CACNA1E: variants seen among roughly 807,000 people sequenced by gnomAD.
The protein encoded by CACNA1E is voltage-dependent R-type calcium channel subunit alpha-1E.
CACNA1E carries 40 observed loss-of-function variants against 259.2 expected under a neutral mutation model. That is an observed-to-expected ratio of 0.15 (90% confidence interval 0.12 to 0.20). The LOEUF is 0.20. CACNA1E is among the 10% of genes least tolerant of loss of function. The pLI is 1.00. For synonymous variants in CACNA1E, 1,104 were observed against 1,138.5 expected (o/e 0.97, Z 0.61); for missense variants, 1,874 against 3,040.1 (o/e 0.62, Z 9.02).
intron 1 of CACNA1E, among the ~76,000 whole-genome samples, chr1:181,360,762 T>G (rs1408200592): frequency 6.6e-6 from 1 of 152,158 alleles, no homozygotes; most frequent in East Asian, 1.9e-4. Context: ...CAATTTTGAG[T>G]ACTGAAAAAA....
chr1:181,492,685 C>A (rs1664417233), intron 1 of CACNA1E, among the ~76,000 whole-genome samples: 1 of 152,180 alleles, frequency 6.6e-6, no homozygotes, highest in Non-Finnish European at 1.5e-5. Context: ...GAAAATGAAC[C>A]ACCAAGATTT....
chr1:181,731,307 A>G (rs1297962583), intron 19 of CACNA1E, 76 bp downstream of exon 19: 3 of 1,173,482 alleles, frequency 2.6e-6, no homozygotes, highest in Admixed American at 1.8e-5. Flanking sequence ...TCCTTGCCAT[A>G]GACAAAGTGG....
At chr1:181,574,734 A>G (rs1050842263) in intron 3 of CACNA1E, among the ~76,000 whole-genome samples, 1 of 152,140 alleles carries the variant, frequency 6.6e-6, no homozygotes, top group Non-Finnish European at 1.5e-5. Flanking sequence ...TCCTCTAAGA[A>G]TTCCATTGTT....
At chr1:181,624,352 G>T (rs900254258) in intron 6 of CACNA1E, among the ~76,000 whole-genome samples, 2 of 152,130 alleles carry the variant, frequency 1.3e-5, no homozygotes, top group Admixed American at 1.3e-4. Context: ...TGACTCTTTC[G>T]TGAAAGATTT....
intron 6 of CACNA1E, among the ~76,000 whole-genome samples, chr1:181,640,470 C>T (rs745702998): frequency 9.2e-5 from 14 of 152,304 alleles, no homozygotes; most frequent in Middle Eastern, 6.8e-3. Context: ...ACAGAATAAA[C>T]GAAACTAACT....
In CACNA1E at chr1:181,807,284, G is replaced by A. The variant is rs1662698503; in HGVS notation, c.*8450G>A. ...CGAGGAGTTTAACAAGGTAGGCAGA[G>A]AACTTCCTTATGGAACAACAGGGCT... On this transcript the variant is annotated 3_prime_UTR_variant, in exon 48 of 48. Coordinates refer to ENST00000367573, the MANE Select transcript of CACNA1E (RefSeq NM_001205293.3). 6.6e-6 allele frequency: 1 copy of A among 152,000 alleles called. No individual in the cohort carries two copies. Among genetic ancestry groups the A allele is most frequent in the Non-Finnish European group, 1.5e-5 (1 of 68,032 alleles). 9.4% of individuals were successfully genotyped at this position (152,000 alleles called of 1,614,324 possible).
At chr1:181,424,483 A>T (rs907612327) in intron 2 of CACNA1E, among the ~76,000 whole-genome samples, 3 of 152,204 alleles carry the variant, frequency 2.0e-5, no homozygotes, top group African/African-American at 7.2e-5. Flanking sequence ...GAGAATAAAC[A>T]AGGTGGTGCG....
At chr1:181,400,400 G>T (rs1035236929) in intron 1 of CACNA1E, among the ~76,000 whole-genome samples, 5 of 152,116 alleles carry the variant, frequency 3.3e-5, no homozygotes, top group Non-Finnish European at 1.5e-5. Flanking sequence ...TTGGGGTGGG[G>T]CATCTGGGCT....
intron 2 of CACNA1E, among the ~76,000 whole-genome samples, chr1:181,433,855 C>T (rs1659890240): frequency 6.6e-6 from 1 of 152,192 alleles, no homozygotes; most frequent in African/African-American, 2.4e-5. Context: ...ATTATGTCAC[C>T]ATTAAGCTAG....
At chr1:181,422,202 A>G (rs1658798743) in intron 2 of CACNA1E, among the ~76,000 whole-genome samples, 1 of 152,178 alleles carries the variant, frequency 6.6e-6, no homozygotes, top group African/African-American at 2.4e-5. Context: ...CATATCACCT[A>G]TGCAGTTGAC....
intron 1 of CACNA1E, among the ~76,000 whole-genome samples, chr1:181,377,042 C>A (rs1468250592): frequency 2.0e-5 from 3 of 152,180 alleles, no homozygotes; most frequent in Non-Finnish European, 4.4e-5. Flanking sequence ...GAGTCAAATT[C>A]ATGTATTTGT....
At chr1:181,509,157 C>A (rs1665964590) in intron 1 of CACNA1E, among the ~76,000 whole-genome samples, 1 of 152,150 alleles carries the variant, frequency 6.6e-6, no homozygotes, top group African/African-American at 2.4e-5. Context: ...CAGCCAGCAT[C>A]TCAGCCCTGC....
intron 7 of CACNA1E, among the ~76,000 whole-genome samples, chr1:181,692,893 A>T (rs1025616912): frequency 6.6e-6 from 1 of 152,134 alleles, no homozygotes; most frequent in African/African-American, 2.4e-5. Context: ...TTTGCAAACT[A>T]TGCATCCAAC....
intron 6 of CACNA1E, among the ~76,000 whole-genome samples, chr1:181,582,354 T>A (rs1651626292): frequency 2.0e-5 from 3 of 152,128 alleles, no homozygotes; most frequent in African/African-American, 7.2e-5. Flanking sequence ...ACTCCTCATT[T>A]GAGATGTAAA....
Position 181,798,340 on chromosome 1 carries a change from A to C in CACNA1E, c.6448A>C (p.Ser2150Arg). 1.2e-6 allele frequency: 2 copies of C among 1,608,944 alleles called. No homozygotes were observed. The highest frequency in any genetic ancestry group is 1.7e-6 in the Non-Finnish European group (2 of 1,178,656). The change falls in exon 48 of 48, where the codon AGC becomes CGC. Residue 2150 changes from serine to arginine, a missense_variant. Ser to Arg is a moderately radical substitution (Grantham distance 110). Transcript: ENST00000367573. This position sits in a 1 kb window ranked among gnomAD's most constrained non-coding sequence, Gnocchi z 4.2. ...ESSIPSVSDTSTPRRSRRQLP... is the reference protein window; with the variant it reads ...ESSIPSVSDTRTPRRSRRQLP... ...CTCCATCCCCTCTGTCTCTGACACC[A>C]GCACCCCAAGAAGAAGTCGTCGGCA...
intron 1 of CACNA1E, among the ~76,000 whole-genome samples, chr1:181,401,455 C>T (rs1256477475): frequency 2.0e-5 from 3 of 152,084 alleles, no homozygotes; most frequent in African/African-American, 7.2e-5. Flanking sequence ...TGGTGGCTGG[C>T]ACAATGTTGG....
intron 7 of CACNA1E, among the ~76,000 whole-genome samples, chr1:181,661,284 C>A (rs1647645130): frequency 6.6e-6 from 1 of 152,128 alleles, no homozygotes; most frequent in Non-Finnish European, 1.5e-5. Flanking sequence ...CATAGAGAAG[C>A]AAGACTGGAA....
At chr1:181,716,957 T>TG (rs1200278984) in intron 10 of CACNA1E, 136 bp from the exon 11 acceptor site, 1 of 681,754 alleles carries the variant, frequency 1.5e-6, no homozygotes, top group African/African-American at 1.8e-5. Context: ...GCCCGTAAGA[T>TG]GGGGATTCCC....
intron 2 of CACNA1E, among the ~76,000 whole-genome samples, chr1:181,451,491 G>T (rs563132736): frequency 6.6e-6 from 1 of 152,244 alleles, no homozygotes; most frequent in Non-Finnish European, 1.5e-5. Context: ...TTCGAGACCA[G>T]CCTGGCCAAC....
Sources: gnomAD v4.1 joint callset for allele counts (sites outside exome capture counted in the v4.1 genomes callset) on GRCh38, gnomAD v4.1.1 for gene constraint, Gnocchi (gnomAD v3.1) non-coding constraint, MANE v1.5 for transcripts, NCBI Gene and HGNC (gene_info 2026-07-23, HGNC 2026-07-21) for gene names.